C21orf58: variants seen among roughly 807,000 people sequenced by gnomAD.
C21orf58 encodes uncharacterized protein C21orf58.
In C21orf58, 34 loss-of-function variants were observed where a neutral mutation model predicts 35.8. That is an observed-to-expected ratio of 0.95 (90% CI 0.72 to 1.26). The LOEUF is 1.26. Among genes scored for constraint, C21orf58 ranks in the 50% most tolerant of loss-of-function variants. The probability of loss-of-function intolerance (pLI) is 0.00; values close to 1 mark genes in which losing one functional copy is unlikely to be tolerated. For synonymous variants in C21orf58, 191 were observed against 175.8 expected, an observed-to-expected ratio of 1.09 and a Z score of -0.68; for missense variants, 440 against 414.3, an observed-to-expected ratio of 1.06 and a Z score of -0.54.
chr21:46,311,428 CACA>C (rs2082679705), intron 6 of C21orf58, 25 bp downstream of exon 6: 4 of 1,382,138 alleles, frequency 2.9e-6, no homozygotes, highest in African/African-American at 1.4e-5. Context: ...TTCCTCAACC[CACA>C]ACAATATGAA....
chr21:46,321,876 G>GT (rs2083169661), intron 1 of C21orf58, among the ~76,000 whole-genome samples: 1 of 141,708 alleles, frequency 7.1e-6, no homozygotes, highest in Non-Finnish European at 1.5e-5. Flanking sequence ...TTGAGGGTGA[G>GT]TATCTACAAA....
chr21:46,305,370 C>A (rs1423947894), intron 6 of C21orf58, among the ~76,000 whole-genome samples: 10 of 139,920 alleles, frequency 7.1e-5, no homozygotes, highest in African/African-American at 2.7e-4. Flanking sequence ...CACTCTGTTG[C>A]CCAAGCTGGG....
chr21:46,322,368 C>G, intron 1 of C21orf58: 1 of 862,952 alleles, frequency 1.2e-6, no homozygotes, highest in Non-Finnish European at 1.4e-6. Context: ...ACAGAAACGA[C>G]TCTGGGGTTC....
intron 6 of C21orf58, among the ~76,000 whole-genome samples, chr21:46,307,566 A>G (rs2082479364): frequency 6.6e-6 from 1 of 152,184 alleles, no homozygotes; most frequent in Admixed American, 6.6e-5. Flanking sequence ...TTATGATGGC[A>G]CAAGCTATGC....
rs111376351 is a variant in C21orf58, at chr21:46,307,570, G to C, written c.721+3886C>G. On this transcript the variant is annotated intron_variant, in intron 6 of 7. Transcript: ENST00000291691. ...ACTACCCTTCTTTATGATGGCACAA[G>C]CTATGCTCTCTGCCACTCCAGGGGC... 4.8e-3 allele frequency among the ~76,000 whole-genome samples: 735 copies of C among 152,320 alleles called. 9 individuals carry two copies. The highest frequency in any genetic ancestry group is 4.5e-3 in the Non-Finnish European group (305 of 68,030).
Position 46,301,493 on chromosome 21 carries a change from G to A in C21orf58, c.*506C>T. 1 of 984,190 alleles carries A rather than the reference G, an allele frequency of 1.0e-6. No homozygotes were observed. Among genetic ancestry groups the A allele is most frequent in the Non-Finnish European group, 1.2e-6 (1 of 828,842 alleles). The allele number at this position is 984,190 out of a possible 1,614,324, so 61.0% of individuals were successfully genotyped here. A position where few individuals can be genotyped will look rare whatever the true frequency, so the allele number is the denominator to read the frequency against. On this transcript the variant is annotated 3_prime_UTR_variant, in exon 8 of 8. Coordinates refer to ENST00000291691, the MANE Select transcript of C21orf58 (RefSeq NM_058180.5). ...ACAGCTGTGGACACAGGTGTCCCTAGTTATTAAATTAGACTTTGTGGTATT... is the reference window on the plus strand; with the variant it reads ...ACAGCTGTGGACACAGGTGTCCCTAATTATTAAATTAGACTTTGTGGTATT...
intron 1 of C21orf58, chr21:46,318,928 A>C (rs1380788580): frequency 2.3e-6 from 2 of 880,836 alleles, no homozygotes; most frequent in Non-Finnish European, 2.7e-6. Context: ...AGGCAGACTG[A>C]CATGTGGGGG....
At chr21:46,310,844 A>T (rs1256587990) in intron 6 of C21orf58, among the ~76,000 whole-genome samples, 1 of 151,378 alleles carries the variant, frequency 6.6e-6, no homozygotes, top group African/African-American at 2.4e-5. Context: ...AATAAATTTT[A>T]AAAATCAAGT....
intron 6 of C21orf58, among the ~76,000 whole-genome samples, chr21:46,303,976 C>T (rs1344640438): frequency 7.1e-6 from 1 of 140,792 alleles, no homozygotes; most frequent in East Asian, 2.1e-4. Context: ...TGGTCTCGAT[C>T]TCCTGACCTC....
chr21:46,303,297 C>T (rs1034881097), intron 6 of C21orf58, among the ~76,000 whole-genome samples: 33 of 152,014 alleles, frequency 2.2e-4, no homozygotes, highest in African/African-American at 5.1e-4. Flanking sequence ...CATGATCATG[C>T]CCCTGCACTC....
At position 46,314,732 on chromosome 21, in the gene C21orf58, C is replaced by A; in HGVS notation, c.593G>T (p.Arg198Met). 1 of 1,479,468 alleles carries A rather than the reference C, an allele frequency of 6.8e-7. No homozygotes were observed. The highest frequency in any genetic ancestry group is 9.0e-7 in the Non-Finnish European group (1 of 1,107,628). The allele number at this position is 1,479,468 out of a possible 1,614,324, so 91.6% of individuals were successfully genotyped here. A position where few individuals can be genotyped will look rare whatever the true frequency, so the allele number is the denominator to read the frequency against. ...CCCTCTTACCGTAGGCAGGATGATC[C>A]TTGGCGGGTCTGGGGCCAGCGGGGA... Reference protein sequence around the residue: ...SPSPLAPDPPRIILPTVPQPP... With the variant: ...SPSPLAPDPPMIILPTVPQPP... Residue 198 changes from arginine to methionine, a missense_variant, in exon 5 of 8, where the codon AGG becomes ATG. Transcript: ENST00000291691.
At chr21:46,305,155 C>T (rs1270892451) in intron 6 of C21orf58, among the ~76,000 whole-genome samples, 1 of 152,116 alleles carries the variant, frequency 6.6e-6, no homozygotes, top group Non-Finnish European at 1.5e-5. Context: ...AAGGTGGTTG[C>T]CAGGCACTGA....
At position 46,314,716 on chromosome 21, in the gene C21orf58, C is replaced by G. The variant is rs1240225001; in HGVS notation, c.609G>C (p.Thr203=). ...APDPPRIILP[T]VPQPPATIIQ... is the part of the protein sequence containing the mutation. ...GTGCTCCTCGACTTCGCCCTCTTAC[C>G]GTAGGCAGGATGATCCTTGGCGGGT... Residue 203 remains threonine, a splice_region_variant and synonymous_variant, in exon 5 of 8, where the codon ACG becomes ACC. Transcript: ENST00000291691. The G allele has an allele frequency of 3.4e-6, 5 of 1,458,644 alleles. No homozygotes were observed. Among genetic ancestry groups the G allele is most frequent in the Non-Finnish European group, 3.6e-6 (4 of 1,098,160 alleles). 90.4% of individuals were successfully genotyped at this position (1,458,644 alleles called of 1,614,324 possible).
chr21:46,302,299 G>T (rs547534643), intron 7 of C21orf58, 145 bp from the exon 8 acceptor site: 3 of 1,353,836 alleles, frequency 2.2e-6, no homozygotes, highest in Non-Finnish European at 3.0e-6. Context: ...CTCCTCCCCC[G>T]CCCCAAATTG....
chr21:46,303,729 ATATATATATATATATATTTT>A (rs1437452418), intron 6 of C21orf58, among the ~76,000 whole-genome samples: 20 of 27,186 alleles, frequency 7.4e-4, no homozygotes, highest in African/African-American at 2.3e-3. Flanking sequence ...ATATATATAT[ATATATATATATATATATTTT>A]TTTTTTTTTT....
rs2083191425 is a variant in C21orf58 at position 46,322,288 on chromosome 21, A to C, written c.100+351T>G. ...TGTGACAGACTGAGACCCTGCCTAT[A>C]AAAAAGAAAAGAAAAAAGAACTGAA... On this transcript the variant is annotated intron_variant, in intron 1 of 7. Coordinates refer to ENST00000291691, the MANE Select transcript of C21orf58 (RefSeq NM_058180.5). 1.6e-5 allele frequency: 4 copies of C among 245,314 alleles called. No homozygotes were observed. The South Asian group carries it at 4.5e-4, about 28-fold the overall frequency. 15.2% of individuals were successfully genotyped at this position (245,314 alleles called of 1,614,324 possible).
intron 5 of C21orf58, among the ~76,000 whole-genome samples, chr21:46,312,038 C>A (rs1219698971): frequency 3.8e-4 from 49 of 128,142 alleles, no homozygotes; most frequent in Middle Eastern, 0.01. Flanking sequence ...CATCCACCTA[C>A]CCAACCAACC....
At chr21:46,302,943 G>A (rs1433564174) in intron 6 of C21orf58, among the ~76,000 whole-genome samples, 3 of 130,548 alleles carry the variant, frequency 2.3e-5, no homozygotes, top group African/African-American at 2.9e-5. Context: ...TCCCCGGGGC[G>A]CGCCCTGAGC....
At chr21:46,303,727 A>ATATT (rs2082251272) in intron 6 of C21orf58, among the ~76,000 whole-genome samples, 1 of 26,616 alleles carries the variant, frequency 3.8e-5, no homozygotes, top group Non-Finnish European at 7.4e-5. Flanking sequence ...ATATATATAT[A>ATATT]TATATATATA....
Sources: gnomAD v4.1 joint callset for allele counts (sites outside exome capture counted in the v4.1 genomes callset) on GRCh38, gnomAD v4.1.1 for gene constraint, MANE v1.5 for transcripts, NCBI Gene and HGNC (gene_info 2026-07-23, HGNC 2026-07-21) for gene names.